The following FYN variants were observed in gnomAD, a reference collection of about 807,000 sequenced individuals.
FYN encodes the protein tyrosine-protein kinase Fyn.
A neutral mutation model predicts 70.2 loss-of-function variants in FYN; 10 were observed. The observed-to-expected ratio is 0.14, with a 90% CI of 0.09 to 0.24. FYN has a LOEUF of 0.24. FYN is among the 10% of genes least tolerant of loss of function. The pLI is 1.00. For synonymous variants in FYN, 236 were observed against 248.6 expected (o/e 0.95, Z 0.48); for missense variants, 319 against 673.1 (o/e 0.47, Z 5.82).
chr6:111,700,512 T>C (rs1179929883), intron 8 of FYN, among the ~76,000 whole-genome samples: 3 of 152,132 alleles, frequency 2.0e-5, no homozygotes, highest in African/African-American at 7.2e-5. Context: ...ACATTTTCAT[T>C]GGAGGTAGAA....
At chr6:111,862,688 CTTGGGCAAG>C (rs1430497255) in intron 1 of FYN, among the ~76,000 whole-genome samples, 4 of 152,166 alleles carry the variant, frequency 2.6e-5, no homozygotes, top group Non-Finnish European at 2.9e-5. Context: ...GATGTACCAA[CTTGGGCAAG>C]TTGTAAAAAC....
At chr6:111,727,141 T>C (rs773451822) in intron 3 of FYN, among the ~76,000 whole-genome samples, 1 of 152,210 alleles carries the variant, frequency 6.6e-6, no homozygotes, top group African/African-American at 2.4e-5. Context: ...CCATCCCCAA[T>C]GCACATTCCA....
chr6:111,692,345 C>T (rs1175172724), intron 12 of FYN, among the ~76,000 whole-genome samples: 1 of 152,096 alleles, frequency 6.6e-6, no homozygotes, highest in African/African-American at 2.4e-5. Context: ...GCTGGGCAGC[C>T]GGCAGAAGGG....
chr6:111,676,096 G>A (rs961964046), intron 12 of FYN, among the ~76,000 whole-genome samples: 28 of 152,180 alleles, frequency 1.8e-4, no homozygotes, highest in Admixed American at 8.5e-4. Context: ...CAAAAGTGGC[G>A]AATGATTAAA....
intron 2 of FYN, among the ~76,000 whole-genome samples, chr6:111,841,910 A>G (rs1416822081): frequency 1.3e-5 from 2 of 152,126 alleles, no homozygotes; most frequent in Non-Finnish European, 2.9e-5. Flanking sequence ...ATGATACATA[A>G]CAACTATTTT....
chr6:111,732,405 G>C (rs1017807197), intron 3 of FYN, among the ~76,000 whole-genome samples: 2 of 152,186 alleles, frequency 1.3e-5, no homozygotes, highest in African/African-American at 4.8e-5. Flanking sequence ...GTATCAGGCA[G>C]GGTTGCCCTG....
intron 3 of FYN, among the ~76,000 whole-genome samples, chr6:111,766,151 T>C (rs1285661544): frequency 2.0e-5 from 3 of 152,242 alleles, no homozygotes; most frequent in African/African-American, 7.2e-5. Context: ...ACCACACTTC[T>C]TCTCTTTTAA....
chr6:111,771,145 G>A (rs1490386149), intron 3 of FYN, among the ~76,000 whole-genome samples: 1 of 152,092 alleles, frequency 6.6e-6, no homozygotes, highest in African/African-American at 2.4e-5. Flanking sequence ...TTTAGCCTCT[G>A]CCTGGACCCA....
At chr6:111,662,273 G>C (rs1019128338) in intron 13 of FYN, among the ~76,000 whole-genome samples, 1 of 152,208 alleles carries the variant, frequency 6.6e-6, no homozygotes, top group Non-Finnish European at 1.5e-5. Flanking sequence ...GTGGCTGCCT[G>C]GGGGAGGGGA....
At chr6:111,717,187 G>A (rs904472277) in intron 4 of FYN, among the ~76,000 whole-genome samples, 2 of 151,976 alleles carry the variant, frequency 1.3e-5, no homozygotes, top group African/African-American at 4.8e-5. Context: ...CCTAGGACTT[G>A]TTGTTAAACG....
intron 13 of FYN, among the ~76,000 whole-genome samples, chr6:111,673,797 T>A (rs1798417760): frequency 6.6e-6 from 1 of 152,162 alleles, no homozygotes; most frequent in Admixed American, 6.5e-5. Context: ...GGGTGTCCTT[T>A]ATGTCACCAT....
At chr6:111,744,812 C>T (rs1357970500) in intron 3 of FYN, among the ~76,000 whole-genome samples, 1 of 152,098 alleles carries the variant, frequency 6.6e-6, no homozygotes, top group Non-Finnish European at 1.5e-5. Context: ...CCCCAAAATA[C>T]AAATATCACC....
chr6:111,844,224 T>G (rs956840452), intron 2 of FYN, among the ~76,000 whole-genome samples: 2 of 152,266 alleles, frequency 1.3e-5, no homozygotes, highest in African/African-American at 4.8e-5. Context: ...AACTTGTCTT[T>G]GAGCTTTAGC....
At chr6:111,867,119 C>T (rs1034541996) in intron 1 of FYN, among the ~76,000 whole-genome samples, 3 of 152,170 alleles carry the variant, frequency 2.0e-5, no homozygotes, top group Non-Finnish European at 2.9e-5. Context: ...CCCTGGGTGA[C>T]CTCACCCACA....
At chr6:111,691,544 A>T (rs1374519509) in intron 12 of FYN, among the ~76,000 whole-genome samples, 1 of 152,186 alleles carries the variant, frequency 6.6e-6, no homozygotes, top group Admixed American at 6.5e-5. Context: ...ACTTCAGCAC[A>T]CAGCACACAT....
At chr6:111,666,072 G>T (rs1489359229) in intron 13 of FYN, among the ~76,000 whole-genome samples, 1 of 144,598 alleles carries the variant, frequency 6.9e-6, no homozygotes, top group East Asian at 2.0e-4. Flanking sequence ...CACAATCTCG[G>T]CTCACTGCAA....
chr6:111,703,083 C>T (rs1415692970), intron 7 of FYN, 49 bp from the exon 8 acceptor site: 2 of 1,587,928 alleles, frequency 1.3e-6, no homozygotes, highest in East Asian at 2.2e-5. Context: ...AGAGTATCAG[C>T]TTGCTTTTTA....
intron 1 of FYN, among the ~76,000 whole-genome samples, chr6:111,870,449 C>T (rs1383228096): frequency 1.3e-5 from 2 of 152,190 alleles, no homozygotes; most frequent in African/African-American, 4.8e-5. Flanking sequence ...ATTTGTTACA[C>T]CTGCTAACAT....
chr6:111,752,577 T>C (rs1304213181), intron 3 of FYN, among the ~76,000 whole-genome samples: 3 of 152,154 alleles, frequency 2.0e-5, no homozygotes, highest in Non-Finnish European at 2.9e-5. Context: ...AGGGCAAAGA[T>C]GGGCATCAGG....
Sources: allele counts gnomAD v4.1 joint callset (sites outside exome capture counted in the v4.1 genomes callset), GRCh38; gene constraint gnomAD v4.1.1; transcripts MANE v1.5; gene names NCBI Gene and HGNC (gene_info 2026-07-23, HGNC 2026-07-21).